The following ZNF208 variants were observed in gnomAD, a reference collection of about 807,000 sequenced individuals.
ZNF208 encodes the protein zinc finger protein 208, also known as zinc finger protein 95.
In ZNF208, 10 loss-of-function variants were observed where a neutral mutation model predicts 12.1. The ratio of observed to expected loss-of-function variants is 0.83; its 90% CI spans 0.51 to 1.40. The LOEUF (loss-of-function observed/expected upper bound fraction) is 1.40, where lower values mean the gene tolerates loss of function less well. Ranked by LOEUF, ZNF208 falls within the 40% of genes most tolerant of loss-of-function variation. The probability of loss-of-function intolerance (pLI) is 0.00; values close to 1 mark genes in which losing one functional copy is unlikely to be tolerated. For synonymous variants in ZNF208, 497 were observed against 488.4 expected, an observed-to-expected ratio of 1.02 and a Z score of -0.23; for missense variants, 1,652 against 1,485.0, an observed-to-expected ratio of 1.11 and a Z score of -1.85.
Position 21,974,194 on chromosome 19 carries a change from A to G in ZNF208, c.840T>C (p.Thr280=), listed in dbSNP as rs770120265. 12 of 1,602,968 alleles carry G rather than the reference A, an allele frequency of 7.5e-6. 1 individual carries two copies. The African/African-American group carries it at 9.4e-5, about 13-fold the overall frequency. Reference sequence around the variant, plus strand: ...CTTCACATTTGTTGGGTTTCTCTCCAGTATGAATTATCTTATGTTTAGTAA... The same window carrying G: ...CTTCACATTTGTTGGGTTTCTCTCCGGTATGAATTATCTTATGTTTAGTAA... The part of the protein sequence containing the change: ...AILTKHKIIH[T]GEKPNKCEEC... Residue 280 remains threonine (T), a synonymous_variant, in exon 4 of 4, where the codon ACT becomes ACC. Transcript: ENST00000397126.
At chr19:21,996,599 G>A (rs1970839302) in intron 1 of ZNF208, among the ~76,000 whole-genome samples, 7 of 152,120 alleles carry the variant, frequency 4.6e-5, no homozygotes, top group Admixed American at 4.6e-4. Context: ...CTTAGATTTA[G>A]AATACGGAGC....
chr19:21,980,489 A>T (rs1165499192), intron 3 of ZNF208, among the ~76,000 whole-genome samples: 1 of 152,182 alleles, frequency 6.6e-6, no homozygotes, highest in Non-Finnish European at 1.5e-5. Context: ...TAATAAAATG[A>T]AGGCAGAAAT....
chr19:21,994,546 CA>C (rs1970796200), intron 1 of ZNF208, among the ~76,000 whole-genome samples: 1 of 151,962 alleles, frequency 6.6e-6, no homozygotes, highest in African/African-American at 2.4e-5. Context: ...GGGGTACTGT[CA>C]GTTCTTTTTT....
At chr19:21,985,360 T>C (rs1292970100) in intron 3 of ZNF208, among the ~76,000 whole-genome samples, 3 of 152,154 alleles carry the variant, frequency 2.0e-5, no homozygotes, top group Non-Finnish European at 4.4e-5. Context: ...GAGAATTGCT[T>C]CAGGACAAAA....
intron 3 of ZNF208, among the ~76,000 whole-genome samples, chr19:21,978,828 C>T (rs1174246887): frequency 1.3e-5 from 2 of 151,930 alleles, no homozygotes; most frequent in Non-Finnish European, 2.9e-5. Flanking sequence ...AAGCTAAGAA[C>T]CTTGAAAAAA....
At chr19:21,950,443 A>G (rs1028772657) in intron 4 of ZNF208, among the ~76,000 whole-genome samples, 3 of 151,326 alleles carry the variant, frequency 2.0e-5, no homozygotes, top group African/African-American at 4.9e-5. Flanking sequence ...TCTTTCTTCT[A>G]GCTATGCTTG....
downstream of ZNF208, chr19:21,965,687 G>C (rs1381424399): frequency 6.6e-6 from 1 of 151,084 alleles, no homozygotes; most frequent in African/African-American, 2.4e-5. Context: ...AATTATTTTT[G>C]GAATACAACC....
At chr19:21,961,511 G>C (rs908137140), downstream of ZNF208, among the ~76,000 whole-genome samples, 1 of 152,062 alleles carries the variant, frequency 6.6e-6, no homozygotes, top group Non-Finnish European at 1.5e-5. Flanking sequence ...CAGAAAATTG[G>C]GTTCGAGAGC....
chr19:21,979,891 G>A (rs1970505383), intron 3 of ZNF208, among the ~76,000 whole-genome samples: 1 of 150,182 alleles, frequency 6.7e-6, no homozygotes, highest in East Asian at 1.9e-4. Context: ...TATTTACCAA[G>A]CAAATGGAAA....
Position 22,010,681 on chromosome 19 carries a change from G to A in ZNF208, c.3+111C>T, listed in dbSNP as rs1971131737. 32 of 1,539,658 alleles carry A rather than the reference G, an allele frequency of 2.1e-5. 1 individual carries two copies. Among genetic ancestry groups the A allele is most frequent in the Non-Finnish European group, 2.9e-5 (32 of 1,113,668 alleles). On this transcript the variant is annotated intron_variant, in intron 1 of 3. Transcript: ENST00000397126. ...AGGTCGAGCTAGGCAAGAACTCGGG[G>A]CACAGATGTGGAGCTGACTGCGGGG...
In ZNF208 at chr19:21,972,213, C is replaced by T; in HGVS notation, c.2821G>A (p.Gly941Arg). 6.2e-7 allele frequency: 1 copy of T among 1,613,238 alleles called. No individual in the cohort carries two copies. Among genetic ancestry groups the T allele is most frequent in the Non-Finnish European group, 8.5e-7 (1 of 1,179,808 alleles). ...VFSKHKKTHA[G>R]EKFYKCEACG... is the part of the protein sequence containing the mutation. ...GCTTCACATTTGTAGAATTTCTCTC[C>T]AGCATGAGTTTTCTTATGTTTACTA... The change falls in exon 4 of 4, where the codon GGA becomes AGA. Residue 941 changes from glycine (G) to arginine (R), a missense_variant. By Grantham distance (125) the Gly-to-Arg change is moderately radical. Coordinates refer to ENST00000397126, the MANE Select transcript of ZNF208 (RefSeq NM_007153.3).
intron 4 of ZNF208, among the ~76,000 whole-genome samples, chr19:21,959,400 T>G (rs1973597): frequency 2.6e-5 from 4 of 152,080 alleles, no homozygotes; most frequent in Non-Finnish European, 5.9e-5. Flanking sequence ...AAAGAAAAAT[T>G]AACTTATTTT....
rs1462302816 is a variant in ZNF208, at chr19:21,968,637, C to T, written c.*2554G>A. 1 of 152,030 alleles carries T rather than the reference C, an allele frequency of 6.6e-6. No individual in the cohort carries two copies. The highest frequency in any genetic ancestry group is 1.5e-5 in the Non-Finnish European group (1 of 67,990). 9.4% of individuals were successfully genotyped at this position (152,030 alleles called of 1,614,324 possible). A position where few individuals can be genotyped will look rare whatever the true frequency, so the allele number is the denominator to read the frequency against. ...TTCCAATATTCACCCAGAATATTGA[C>T]CTGTACTTTCCTTTTTTTGTGGTGC... On this transcript the variant is annotated 3_prime_UTR_variant, in exon 4 of 4. Transcript: ENST00000397126.
chr19:21,953,688 C>T (rs887156725), intron 4 of ZNF208, among the ~76,000 whole-genome samples: 1 of 152,214 alleles, frequency 6.6e-6, no homozygotes, highest in Non-Finnish European at 1.5e-5. Flanking sequence ...ACAACTGGTA[C>T]CAGCCACTGC....
At position 21,974,744 on chromosome 19, in the gene ZNF208, T is replaced by G. The variant is rs1413142222; in HGVS notation, c.290A>C (p.Lys97Thr). 2.5e-6 allele frequency: 4 copies of G among 1,611,184 alleles called. No homozygotes were observed. The highest frequency in any genetic ancestry group is 3.4e-6 in the Non-Finnish European group (4 of 1,178,796). Reference sequence around the variant, plus strand: ...TTTTTCATACCTTCTCAATATCACTTTTTGGAAAGAATCTTCTATGCCCTG... The same window carrying G: ...TTTTTCATACCTTCTCAATATCACTGTTTGGAAAGAATCTTCTATGCCCTG... ...PEQGIEDSFQ[K>T]VILRRYEKCG... The change falls in exon 4 of 4, where the codon AAA becomes ACA. Residue 97 changes from lysine to threonine, a missense_variant. By Grantham distance (78) the Lys-to-Thr change is moderately conservative. Around this residue, in one of 3 missense-constraint regions of ZNF208, gnomAD observed 410 missense variants for 378.2 expected, o/e 1.08. Coordinates refer to ENST00000397126, the MANE Select transcript of ZNF208 (RefSeq NM_007153.3).
chr19:21,963,872 A>G (rs1186729766), downstream of ZNF208, among the ~76,000 whole-genome samples: 1 of 151,972 alleles, frequency 6.6e-6, no homozygotes, highest in Non-Finnish European at 1.5e-5. Flanking sequence ...AAAGATAGGG[A>G]GCTGACAAAG....
rs1970790444 is a variant in ZNF208, at chr19:21,994,282, G to C, written c.4-5373C>G. Reference sequence around the variant, plus strand: ...AAGCACTGGTTTTAATAAAAAATTTGAAAAGTAAGATCCTATAATACATAC... The same window carrying C: ...AAGCACTGGTTTTAATAAAAAATTTCAAAAGTAAGATCCTATAATACATAC... On this transcript the variant is annotated intron_variant, in intron 1 of 3. Transcript: ENST00000397126. 2.6e-5 allele frequency among the ~76,000 whole-genome samples: 4 copies of C among 152,192 alleles called. No homozygotes were observed. In the South Asian group the frequency reaches 8.3e-4, roughly 32 times the overall value.
chr19:21,958,271 A>G (rs1300666712), intron 4 of ZNF208, among the ~76,000 whole-genome samples: 1 of 152,120 alleles, frequency 6.6e-6, no homozygotes, highest in Non-Finnish European at 1.5e-5. Flanking sequence ...CGTTTTGATG[A>G]CATTTTAAAC....
intron 4 of ZNF208, among the ~76,000 whole-genome samples, chr19:21,953,164 GT>G (rs1249714718): frequency 1.3e-5 from 2 of 152,194 alleles, no homozygotes; most frequent in African/African-American, 4.8e-5. Flanking sequence ...GTGGGACTAT[GT>G]GAAAAGACCA....
Sources: allele counts gnomAD v4.1 joint callset (sites outside exome capture counted in the v4.1 genomes callset), GRCh38; gene constraint gnomAD v4.1.1; regional missense constraint gnomAD v4.1.1; transcripts MANE v1.5; gene names NCBI Gene and HGNC (gene_info 2026-07-23, HGNC 2026-07-21).